Variants in LAMB4 observed in about 807,000 individuals in gnomAD.
LAMB4 encodes laminin subunit beta 4, also known as laminin subunit beta-4.
In LAMB4, 196 loss-of-function variants were observed where a neutral mutation model predicts 199.2. That is an observed-to-expected ratio of 0.98 (90% CI 0.88 to 1.11). The LOEUF (loss-of-function observed/expected upper bound fraction) is 1.11. Ranked by LOEUF, LAMB4 falls within the 50% of genes least tolerant of loss-of-function variation. LAMB4 has a pLI of 0.00. For synonymous variants in LAMB4, 744 were observed against 770.6 expected (o/e 0.97, Z 0.57); for missense variants, 2,080 against 2,171.2 (o/e 0.96, Z 0.83).
At chr7:108,083,177 T>C (rs2037024152) in intron 14 of LAMB4, among the ~76,000 whole-genome samples, 1 of 152,210 alleles carries the variant, frequency 6.6e-6, no homozygotes, top group African/African-American at 2.4e-5. Flanking sequence ...AGTGGGTTCC[T>C]TCTGTAGTCT....
chr7:108,018,384 TGTCCTCTGCAGG>T, the LAMB4 span, among the ~76,000 whole-genome samples: 24 of 152,294 alleles, frequency 1.6e-4, no homozygotes, highest in South Asian at 4.8e-3. Flanking sequence ...CATGCCCCAA[TGTCCTCTGCAGG>T]GTTGTCGTGG....
chr7:108,089,270 A>G (rs529456049), intron 14 of LAMB4, among the ~76,000 whole-genome samples: 1 of 152,294 alleles, frequency 6.6e-6, no homozygotes, highest in East Asian at 1.9e-4. Context: ...GCATGACAGA[A>G]GGCTTCAATG....
chr7:108,090,796 A>T (rs1315358264), intron 14 of LAMB4, among the ~76,000 whole-genome samples: 2 of 152,216 alleles, frequency 1.3e-5, no homozygotes, highest in Non-Finnish European at 2.9e-5. Context: ...ACGAAGAAGA[A>T]CCCAGACCAG....
chr7:108,092,497 C>A, intron 12 of LAMB4, 81 bp from the exon 13 acceptor site: 2 of 1,035,764 alleles, frequency 1.9e-6, no homozygotes, highest in Admixed American at 3.5e-5. Context: ...CACTACAATG[C>A]AATTGCCACA....
rs1429145835 is a variant in LAMB4, at chr7:108,055,504, G to A, written c.3755+128C>T. 4 of 1,025,544 alleles carry A rather than the reference G, an allele frequency of 3.9e-6. No homozygotes were observed. The Admixed American group carries it at 9.1e-5, about 23-fold the overall frequency. The allele number at this position is 1,025,544 out of a possible 1,614,324, so 63.5% of individuals were successfully genotyped here. On this transcript the variant is annotated intron_variant, in intron 25 of 33. Transcript: ENST00000388781. Reference sequence around the variant, plus strand: ...GCCCGGCCCAGCCTGGTTATTAACTGAACAACTATCAGTCCCCTAAAGTCA... The same window carrying A: ...GCCCGGCCCAGCCTGGTTATTAACTAAACAACTATCAGTCCCCTAAAGTCA...
chr7:108,128,911 T>C lies in LAMB4; in HGVS notation c.-34+1395A>G, dbSNP rs139510879. Among the ~76,000 whole-genome samples, 416 of 152,238 alleles carry C rather than the reference T, an allele frequency of 2.7e-3. 1 individual carries two copies. Among genetic ancestry groups the C allele is most frequent in the African/African-American group, 9.6e-3 (397 of 41,562 alleles). Reference sequence around the variant, plus strand: ...AACAAAACATTTTCCCTCCTTTGGATGAGATATGTATAAACGTATTTCCAA... The same window carrying C: ...AACAAAACATTTTCCCTCCTTTGGACGAGATATGTATAAACGTATTTCCAA... On this transcript the variant is annotated intron_variant, in intron 1 of 33. Transcript: ENST00000388781.
chr7:108,029,895 G>A (rs997154842), intron 32 of LAMB4, among the ~76,000 whole-genome samples: 13 of 152,232 alleles, frequency 8.5e-5, no homozygotes, highest in South Asian at 4.1e-4. Context: ...CGAGGCAGGC[G>A]GATCATGAGG....
intron 32 of LAMB4, among the ~76,000 whole-genome samples, chr7:108,029,585 C>T (rs1167754051): frequency 6.6e-6 from 1 of 151,836 alleles, no homozygotes; most frequent in Non-Finnish European, 1.5e-5. Flanking sequence ...AAATGAAGGA[C>T]GGAGTGAGTG....
At chr7:108,081,599 A>G (rs1301485090) in intron 14 of LAMB4, among the ~76,000 whole-genome samples, 1 of 152,232 alleles carries the variant, frequency 6.6e-6, no homozygotes, top group Admixed American at 6.5e-5. Flanking sequence ...CAGTTTACCT[A>G]AAAGTAGATC....
At chr7:108,113,081 T>C (rs2038287374) in intron 3 of LAMB4, among the ~76,000 whole-genome samples, 1 of 152,212 alleles carries the variant, frequency 6.6e-6, no homozygotes, top group Non-Finnish European at 1.5e-5. Context: ...TTATTTCAGG[T>C]TTCTGTTAGA....
rs552289499 is a variant in LAMB4, at chr7:108,091,563, C to T, written c.1701+63G>A. The T allele has an allele frequency of 3.6e-5, 56 of 1,535,164 alleles. No individual in the cohort carries two copies. In the African/African-American group the frequency reaches 6.0e-4, roughly 17 times the overall value. On this transcript the variant is annotated intron_variant, in intron 14 of 33. Coordinates refer to ENST00000388781, the MANE Select transcript of LAMB4 (RefSeq NM_007356.3). ...TCTTAACCACGATCTCAAGTATGTGCTCTGTGTGTTTACTGACATATCATC... is the reference window on the plus strand; with the variant it reads ...TCTTAACCACGATCTCAAGTATGTGTTCTGTGTGTTTACTGACATATCATC...
At chr7:108,065,715 A>C (rs757842656) in intron 21 of LAMB4, 47 bp downstream of exon 21, 9 of 1,489,824 alleles carry the variant, frequency 6.0e-6, no homozygotes, top group Non-Finnish European at 7.4e-6. Flanking sequence ...TACAGATTAC[A>C]GTGTGGGATA....
At chr7:108,130,170 A>G (rs2038929155) in intron 1 of LAMB4, 136 bp downstream of exon 1, 1 of 152,224 alleles carries the variant, frequency 6.6e-6, no homozygotes, top group African/African-American at 2.4e-5. Context: ...ATCATTCTGT[A>G]AAAGTAATAG....
In LAMB4 at chr7:108,092,407, A is replaced by G. The variant is rs768269042; in HGVS notation, c.1480T>C (p.Trp494Arg). ...AHCEECTVGYWGLGNHLHGCS... is the reference protein window; with the variant it reads ...AHCEECTVGYRGLGNHLHGCS... The stretch of plus-strand genomic sequence containing the variant: ...CCATGGAGATGATTTCCCAGGCCCC[A>G]GTATCCAACCTACAGAGAAAAAATG... The change falls in exon 13 of 34, where the codon TGG becomes CGG. Residue 494 changes from tryptophan to arginine, a missense_variant. Coordinates refer to ENST00000388781, the MANE Select transcript of LAMB4 (RefSeq NM_007356.3). 1.2e-6 allele frequency: 2 copies of G among 1,613,848 alleles called. No homozygotes were observed. The highest frequency in any genetic ancestry group is 1.3e-5 in the African/African-American group (1 of 75,038).
chr7:108,048,026 C>T lies in LAMB4; in HGVS notation c.4208G>A (p.Cys1403Tyr). 1 of 1,614,248 alleles carries T rather than the reference C, an allele frequency of 6.2e-7. No individual in the cohort carries two copies. The highest frequency in any genetic ancestry group is 1.1e-5 in the South Asian group (1 of 91,090). Reference protein sequence around the residue: ...LCTGRKGHRKCRGPGCHGSLT... With the variant: ...LCTGRKGHRKYRGPGCHGSLT... ...GGAGCCGTGACAGCCGGGACCCCTA[C>T]ACTTCCTGTGCCCCTTCCGGCCCGT... is the stretch of plus-strand genomic sequence containing the variant. The change falls in exon 28 of 34, where the codon TGT becomes TAT. Residue 1403 changes from cysteine to tyrosine, a missense_variant. Transcript: ENST00000388781.
the LAMB4 span, among the ~76,000 whole-genome samples, chr7:108,011,666 G>A: frequency 1.3e-5 from 2 of 151,896 alleles, no homozygotes; most frequent in Admixed American, 6.6e-5. Flanking sequence ...TGATCAGCCC[G>A]CCTCAGCCTC....
In LAMB4 at chr7:108,057,815, G is replaced by C. The variant is rs1250014300; in HGVS notation, c.3379+17C>G. On this transcript the variant is annotated intron_variant, in intron 24 of 33. Transcript: ENST00000388781. ...GGCTGACTGTACGCATGAGTTTTTA[G>C]AAATCCCAATACTTACGAATGCATC... 2 of 1,554,344 alleles carry C rather than the reference G, an allele frequency of 1.3e-6. No individual in the cohort carries two copies. Among genetic ancestry groups the C allele is most frequent in the Non-Finnish European group, 1.8e-6 (2 of 1,125,856 alleles).
intron 26 of LAMB4, among the ~76,000 whole-genome samples, chr7:108,050,603 C>A (rs1016370980): frequency 2.5e-4 from 38 of 152,140 alleles, no homozygotes; most frequent in Admixed American, 7.2e-4. Flanking sequence ...CAGAGGCCCA[C>A]GGTCCTGATC....
At chr7:108,026,917 T>C in intron 33 of LAMB4, 1 of 517,808 alleles carries the variant, frequency 1.9e-6, no homozygotes, top group Non-Finnish European at 3.9e-6. Flanking sequence ...GAAAACAGCC[T>C]CAAAAGGAAA....
Sources: gnomAD v4.1 joint callset for allele counts (sites outside exome capture counted in the v4.1 genomes callset) on GRCh38, gnomAD v4.1.1 for gene constraint, MANE v1.5 for transcripts, NCBI Gene and HGNC (gene_info 2026-07-23, HGNC 2026-07-21) for gene names.